Variants in TLL2 observed in about 807,000 individuals in gnomAD.
The protein encoded by TLL2 is tolloid-like protein 2.
In TLL2, 106 loss-of-function variants were observed where a neutral mutation model predicts 123.0. That is an observed-to-expected ratio of 0.86 (90% CI 0.74 to 1.01). TLL2 has a LOEUF of 1.01. TLL2 is among the 50% of genes least tolerant of loss of function. The pLI is 0.00. For missense variants in TLL2, 1,332 were observed against 1,336.7 expected (o/e 1.00, Z 0.06); for synonymous variants, 494 against 516.8 (o/e 0.96, Z 0.60).
At chr10:96,401,080 T>C (rs1846388415) in intron 10 of TLL2, among the ~76,000 whole-genome samples, 1 of 152,146 alleles carries the variant, frequency 6.6e-6, no homozygotes, top group Non-Finnish European at 1.5e-5. Flanking sequence ...TGAAATCCGG[T>C]TCCTGGATTT....
chr10:96,383,689 T>G (rs1356999924), intron 16 of TLL2, among the ~76,000 whole-genome samples: 1 of 152,196 alleles, frequency 6.6e-6, no homozygotes, highest in Non-Finnish European at 1.5e-5. Flanking sequence ...GGCACCATCT[T>G]GGCTCACTGC....
At chr10:96,436,055 T>A (rs1209031783) in intron 3 of TLL2, among the ~76,000 whole-genome samples, 1 of 152,236 alleles carries the variant, frequency 6.6e-6, no homozygotes, top group Non-Finnish European at 1.5e-5. Context: ...TAATAACCTA[T>A]TCTTCATGGT....
intron 13 of TLL2, among the ~76,000 whole-genome samples, chr10:96,392,857 C>A (rs373890845): frequency 6.6e-6 from 1 of 152,048 alleles, no homozygotes. Context: ...AATGAAGGAT[C>A]TTGGAGATGA....
chr10:96,454,040 T>C (rs1006188355), intron 2 of TLL2, among the ~76,000 whole-genome samples: 11 of 147,944 alleles, frequency 7.4e-5, no homozygotes, highest in African/African-American at 2.0e-4. Flanking sequence ...CACACACATA[T>C]ACACACAGTT....
intron 3 of TLL2, among the ~76,000 whole-genome samples, chr10:96,444,764 G>A (rs1846879754): frequency 6.6e-6 from 1 of 152,154 alleles, no homozygotes; most frequent in Non-Finnish European, 1.5e-5. Context: ...TTATGCATTT[G>A]TGTAAAATTA....
chr10:96,485,978 A>G (rs200991783), intron 1 of TLL2, among the ~76,000 whole-genome samples: 1 of 151,982 alleles, frequency 6.6e-6, no homozygotes, highest in Non-Finnish European at 1.5e-5. Flanking sequence ...AGAGAGAAGC[A>G]GGGGGTGGGA....
At chr10:96,463,543 C>T (rs1162707937) in intron 2 of TLL2, among the ~76,000 whole-genome samples, 1 of 152,162 alleles carries the variant, frequency 6.6e-6, no homozygotes, top group African/African-American at 2.4e-5. Flanking sequence ...TGTTCGGTTC[C>T]ACAACTGACA....
At chr10:96,406,660 C>T (rs74153658) in intron 9 of TLL2, among the ~76,000 whole-genome samples, 2,339 of 152,264 alleles carry the variant, frequency 0.015, 71 homozygotes, top group African/African-American at 0.053. Context: ...CATGACCCCT[C>T]TGCCCAGAGC....
chr10:96,479,536 G>A (rs1011787875), intron 2 of TLL2, among the ~76,000 whole-genome samples: 2 of 152,212 alleles, frequency 1.3e-5, no homozygotes. Flanking sequence ...TAGTGAAGCT[G>A]CCCAAGCAGG....
chr10:96,493,916 C>T (rs77945641), intron 1 of TLL2, among the ~76,000 whole-genome samples: 3,182 of 152,268 alleles, frequency 0.021, 103 homozygotes, highest in African/African-American at 0.068. Context: ...AGAAAGTTAA[C>T]GACTAGCCCA....
intron 7 of TLL2, among the ~76,000 whole-genome samples, chr10:96,419,666 C>G (rs1450312395): frequency 6.6e-6 from 1 of 152,162 alleles, no homozygotes; most frequent in African/African-American, 2.4e-5. Context: ...AGCTGTGTGG[C>G]CAGAGGAGCA....
chr10:96,480,373 C>G lies in TLL2; in HGVS notation c.262G>C (p.Val88Leu). 1 of 1,614,226 alleles carries G rather than the reference C, an allele frequency of 6.2e-7. No homozygotes were observed. Among genetic ancestry groups the G allele is most frequent in the Non-Finnish European group, 8.5e-7 (1 of 1,180,046 alleles). Reference sequence around the variant, plus strand: ...CCTGTGCTGTGTCCTGTTGCCCCCACTGTCTGCTTGGTCCAGTCTCTGGCT... The same window carrying G: ...CCTGTGCTGTGTCCTGTTGCCCCCAGTGTCTGCTTGGTCCAGTCTCTGGCT... ...DKARDWTKQTVGATGHSTGGL... is the reference protein window; with the variant it reads ...DKARDWTKQTLGATGHSTGGL... The change falls in exon 2 of 21, where the codon GTG (valine) becomes CTG (leucine). Residue 88 changes from valine to leucine, a missense_variant. Coordinates refer to ENST00000357947, the MANE Select transcript of TLL2 (RefSeq NM_012465.4).
At chr10:96,484,927 A>G (rs987838412) in intron 1 of TLL2, among the ~76,000 whole-genome samples, 2 of 152,182 alleles carry the variant, frequency 1.3e-5, no homozygotes, top group Non-Finnish European at 2.9e-5. Context: ...AACCCATGTC[A>G]TCCATCCACG....
In TLL2 at chr10:96,432,972, A is replaced by T. The variant is rs1314064980; in HGVS notation, c.365-10T>A. The stretch of plus-strand genomic sequence containing the variant: ...GTATTCTCCCGGCCATCTGCAACAC[A>T]GTCAGGTTAATATTGATTTTGCCCT... On this transcript the variant is annotated splice_polypyrimidine_tract_variant and intron_variant, in intron 3 of 20. Coordinates refer to ENST00000357947, the MANE Select transcript of TLL2 (RefSeq NM_012465.4). The T allele has an allele frequency of 6.2e-6, 10 of 1,611,512 alleles. No homozygotes were observed. The highest frequency in any genetic ancestry group is 7.6e-6 in the Non-Finnish European group (9 of 1,178,456).
At chr10:96,474,503 A>C (rs968684592) in intron 2 of TLL2, among the ~76,000 whole-genome samples, 3 of 152,150 alleles carry the variant, frequency 2.0e-5, no homozygotes, top group Non-Finnish European at 2.9e-5. Context: ...CTTTGAGCAG[A>C]GGGAGCAGCT....
chr10:96,421,167 G>A, intron 6 of TLL2, 106 bp from the exon 7 acceptor site: 1 of 771,218 alleles, frequency 1.3e-6, no homozygotes, highest in South Asian at 1.5e-5. Flanking sequence ...GGGCTCTCTT[G>A]GCCCAATCAG....
intron 2 of TLL2, among the ~76,000 whole-genome samples, chr10:96,461,662 G>T (rs1847082945): frequency 6.6e-6 from 1 of 152,182 alleles, no homozygotes; most frequent in Admixed American, 6.5e-5. Context: ...CTGCAACCCT[G>T]ATGAAAATCC....
rs1846022856 is a variant in TLL2 at position 96,366,072 on chromosome 10, A to C, written c.*2016T>G. 1 of 152,358 alleles carries C rather than the reference A, an allele frequency of 6.6e-6. No homozygotes were observed. The highest frequency in any genetic ancestry group is 1.5e-5 in the Non-Finnish European group (1 of 68,036). The allele number at this position is 152,358 out of a possible 1,614,324, so 9.4% of individuals were successfully genotyped here. A position where few individuals can be genotyped will look rare whatever the true frequency, so the allele number is the denominator to read the frequency against. ...TTTATTTCCTTGGAGAAAGAACCATAACACCCATCTTAGGTTTCCCAGTTC... is the reference window on the plus strand; with the variant it reads ...TTTATTTCCTTGGAGAAAGAACCATCACACCCATCTTAGGTTTCCCAGTTC... On this transcript the variant is annotated 3_prime_UTR_variant, in exon 21 of 21. Coordinates refer to ENST00000357947, the MANE Select transcript of TLL2 (RefSeq NM_012465.4).
chr10:96,382,205 A>G (rs1846192117), intron 16 of TLL2, among the ~76,000 whole-genome samples: 1 of 151,852 alleles, frequency 6.6e-6, no homozygotes, highest in African/African-American at 2.4e-5. Flanking sequence ...TATTTTTTGC[A>G]TTTTTAGTAG....
Sources: allele counts gnomAD v4.1 joint callset (sites outside exome capture counted in the v4.1 genomes callset), GRCh38; gene constraint gnomAD v4.1.1; transcripts MANE v1.5; gene names NCBI Gene and HGNC (gene_info 2026-07-23, HGNC 2026-07-21).